PSMB1: variants seen among roughly 807,000 people sequenced by gnomAD.
PSMB1 encodes proteasome 20S subunit beta 1.
PSMB1 carries 7 observed loss-of-function variants against 25.4 expected under a neutral mutation model. That is an observed-to-expected ratio of 0.28 (90% CI 0.16 to 0.52). The LOEUF (loss-of-function observed/expected upper bound fraction) is 0.52. Among genes scored for constraint, PSMB1 ranks in the 20% least tolerant of loss-of-function variants. The pLI is 0.97. For synonymous variants in PSMB1, 119 were observed against 115.0 expected (o/e 1.03, Z -0.22); for missense variants, 284 against 302.2 (o/e 0.94, Z 0.45).
intron 1 of PSMB1, among the ~76,000 whole-genome samples, chr6:170,551,109 T>A (rs1778893998): frequency 6.6e-6 from 1 of 152,002 alleles, no homozygotes; most frequent in Admixed American, 6.6e-5. Flanking sequence ...ACCGCTGCAC[T>A]CCGGCCTGGG....
chr6:170,536,110 C>T (rs906157393), intron 5 of PSMB1, among the ~76,000 whole-genome samples: 5 of 152,072 alleles, frequency 3.3e-5, no homozygotes, highest in East Asian at 1.9e-4. Context: ...TGAATAACAC[C>T]GTTTTCAACC....
chr6:170,536,333 A>G (rs1191061984), intron 5 of PSMB1: 2 of 446,842 alleles, frequency 4.5e-6, no homozygotes, highest in Non-Finnish European at 8.9e-6. Flanking sequence ...ATAAAAAGTT[A>G]AAGTGATCTC....
At chr6:170,538,016 G>A (rs1017747047) in intron 4 of PSMB1, among the ~76,000 whole-genome samples, 2 of 152,198 alleles carry the variant, frequency 1.3e-5, no homozygotes, top group African/African-American at 4.8e-5. Flanking sequence ...TGTAAAATAC[G>A]ATACTGCTTT....
At chr6:170,535,831 G>A (rs781138900) in intron 5 of PSMB1, among the ~76,000 whole-genome samples, 23 of 152,198 alleles carry the variant, frequency 1.5e-4, no homozygotes, top group Non-Finnish European at 2.6e-4. Flanking sequence ...CTGAAGATGT[G>A]GGACGGAGTT....
In PSMB1 at chr6:170,548,989, T is replaced by C; in HGVS notation, c.221+17A>G. On this transcript the variant is annotated intron_variant, in intron 2 of 5. Transcript: ENST00000262193. ...TTACAAAGGCATTGTGAAATGTCTT[T>C]AGAAATATTTACTTACAATTTGTAA... 1.3e-6 allele frequency: 2 copies of C among 1,525,994 alleles called. No homozygotes were observed. The highest frequency in any genetic ancestry group is 9.1e-7 in the Non-Finnish European group (1 of 1,100,244). 94.5% of individuals were successfully genotyped at this position (1,525,994 alleles called of 1,614,324 possible). A position where few individuals can be genotyped will look rare whatever the true frequency, so the allele number is the denominator to read the frequency against.
chr6:170,536,821 C>T (rs1778700047), intron 5 of PSMB1, among the ~76,000 whole-genome samples: 1 of 152,112 alleles, frequency 6.6e-6, no homozygotes, highest in African/African-American at 2.4e-5. Flanking sequence ...GGAACTGGCG[C>T]CCCAATCCCC....
Position 170,553,297 on chromosome 6 carries a change from C to A in PSMB1, c.-55G>T. The A allele has an allele frequency of 7.4e-7, 1 of 1,346,498 alleles. No homozygotes were observed. The allele number at this position is 1,346,498 out of a possible 1,614,324, so 83.4% of individuals were successfully genotyped here. A position where few individuals can be genotyped will look rare whatever the true frequency, so the allele number is the denominator to read the frequency against. On this transcript the variant is annotated 5_prime_UTR_variant, in exon 1 of 6. The change creates a new upstream start codon in the 5' untranslated region. Transcript: ENST00000262193. ...TGCTGTCTCACGGCGAGATGGCTGCCTTGACCGGACGTTACGCCACTTCCG... is the reference window on the plus strand; with the variant it reads ...TGCTGTCTCACGGCGAGATGGCTGCATTGACCGGACGTTACGCCACTTCCG...
At chr6:170,540,936 G>A (rs939840069) in intron 4 of PSMB1, among the ~76,000 whole-genome samples, 2 of 152,018 alleles carry the variant, frequency 1.3e-5, no homozygotes, top group Admixed American at 1.3e-4. Flanking sequence ...GAGGGGTAGG[G>A]GAGGAGGAGA....
chr6:170,546,943 G>A (rs776219853), intron 2 of PSMB1, among the ~76,000 whole-genome samples: 14 of 151,988 alleles, frequency 9.2e-5, no homozygotes, highest in Non-Finnish European at 1.9e-4. Context: ...TTACAAATAA[G>A]GAAAGCAATA....
chr6:170,543,451 C>G (rs1295156853), intron 4 of PSMB1, 150 bp downstream of exon 4: 2 of 819,234 alleles, frequency 2.4e-6, no homozygotes, highest in South Asian at 5.5e-5. Flanking sequence ...CATACATTAG[C>G]TTCAGTTTCT....
At chr6:170,546,334 T>C (rs1247454858) in intron 2 of PSMB1, 150 bp from the exon 3 acceptor site, 7 of 637,796 alleles carry the variant, frequency 1.1e-5, no homozygotes, top group East Asian at 5.6e-5. Flanking sequence ...GGGGTCTGTA[T>C]TCCATCTTAC....
At chr6:170,550,926 G>C (rs1385471744) in intron 1 of PSMB1, among the ~76,000 whole-genome samples, 1 of 136,650 alleles carries the variant, frequency 7.3e-6, no homozygotes, top group Non-Finnish European at 1.5e-5. Context: ...GGGGTCAATT[G>C]CCTGAGATCA....
At chr6:170,545,634 C>A (rs987558938) in intron 3 of PSMB1, among the ~76,000 whole-genome samples, 2 of 152,186 alleles carry the variant, frequency 1.3e-5, no homozygotes, top group African/African-American at 2.4e-5. Context: ...TGTTGTGCCT[C>A]CCATCCAAGC....
intron 4 of PSMB1, among the ~76,000 whole-genome samples, chr6:170,541,276 A>G (rs1562351801): frequency 6.6e-6 from 1 of 152,224 alleles, no homozygotes; most frequent in Non-Finnish European, 1.5e-5. Flanking sequence ...CAAAAAGTTT[A>G]AAGAAATCTG....
At position 170,535,250 on chromosome 6, in the gene PSMB1, C is replaced by T. The variant is rs1171247801; in HGVS notation, c.696G>A (p.Arg232=). 2.5e-6 allele frequency: 4 copies of T among 1,613,968 alleles called. No homozygotes were observed. In the Admixed American group the frequency reaches 5.0e-5, roughly 20 times the overall value. The change falls in exon 6 of 6, where the codon AGG becomes AGA. Residue 232 remains arginine (R), a synonymous_variant. Transcript: ENST00000262193. The stretch of plus-strand genomic sequence containing the variant: ...CCTTCCTTAAGGAAACAGTTTCCTC[C>T]CTGATGCCCTCTTTGGTCACTATGC... ...RICIVTKEGI[R]EETVSLRKD
chr6:170,540,774 A>C (rs1778750029), intron 4 of PSMB1, among the ~76,000 whole-genome samples: 1 of 152,122 alleles, frequency 6.6e-6, no homozygotes, highest in Non-Finnish European at 1.5e-5. Context: ...TTGGAAATTA[A>C]TGACACCAGA....
chr6:170,548,906 A>G, intron 2 of PSMB1, 100 bp downstream of exon 2: 1 of 884,904 alleles, frequency 1.1e-6, no homozygotes, highest in Non-Finnish European at 1.8e-6. Flanking sequence ...CCCAACAGCA[A>G]CTTAAAAACT....
chr6:170,549,029 C>G lies in PSMB1; in HGVS notation c.198G>C (p.Arg66=), dbSNP rs1018429576. ...ACAATTTGTAACATTTGGGGCTATC[C>G]CGCGTATGAATTGAAAACCCTTCAC... The part of the protein sequence containing the change: ...RLSEGFSIHT[R]DSPKCYKLTD... Residue 66 remains arginine (R), a synonymous_variant, in exon 2 of 6, where the codon CGG becomes CGC. Transcript: ENST00000262193. The G allele has an allele frequency of 3.7e-6, 6 of 1,611,690 alleles. No individual in the cohort carries two copies. Among genetic ancestry groups the G allele is most frequent in the Admixed American group, 3.3e-5 (2 of 59,984 alleles).
chr6:170,548,834 A>G (rs1046520894), intron 2 of PSMB1, among the ~76,000 whole-genome samples, 172 bp downstream of exon 2: 2 of 152,252 alleles, frequency 1.3e-5, no homozygotes, highest in Admixed American at 6.5e-5. Flanking sequence ...AATATTATTA[A>G]GACTGCACAT....
Sources: gnomAD v4.1 joint callset for allele counts (sites outside exome capture counted in the v4.1 genomes callset) on GRCh38, gnomAD v4.1.1 for gene constraint, MANE v1.5 for transcripts, NCBI Gene and HGNC (gene_info 2026-07-23, HGNC 2026-07-21) for gene names.